Variants in SGCD observed in about 807,000 individuals in gnomAD.
SGCD encodes sarcoglycan delta, also known as delta-sarcoglycan.
A neutral mutation model predicts 36.6 loss-of-function variants in SGCD; 18 were observed. The ratio of observed to expected loss-of-function variants is 0.49; its 90% confidence interval spans 0.34 to 0.73. SGCD has a LOEUF of 0.73. Ranked by LOEUF, SGCD falls within the 30% of genes least tolerant of loss-of-function variation. The probability of loss-of-function intolerance (pLI) is 0.01; values close to 1 mark genes in which losing one functional copy is unlikely to be tolerated. For synonymous variants in SGCD, 133 were observed against 130.6 expected, an observed-to-expected ratio of 1.02 and a Z score of -0.12; for missense variants, 387 against 346.7, an observed-to-expected ratio of 1.12 and a Z score of -0.92.
chr5:156,106,094 A>G (rs1035423317), intron 1 of SGCD, among the ~76,000 whole-genome samples: 4 of 119,192 alleles, frequency 3.4e-5, no homozygotes, highest in African/African-American at 1.3e-4. Flanking sequence ...TGGGTGACAG[A>G]GTGAGACTCT....
At chr5:155,749,365 C>G in the SGCD span, among the ~76,000 whole-genome samples, 1 of 152,158 alleles carries the variant, frequency 6.6e-6, no homozygotes, top group Non-Finnish European at 1.5e-5. Flanking sequence ...AGGTATAACT[C>G]TTAGTTTTTT....
chr5:156,321,452 C>T (rs13170969), intron 3 of SGCD, among the ~76,000 whole-genome samples: 15 of 139,342 alleles, frequency 1.1e-4, no homozygotes, highest in Non-Finnish European at 1.9e-4. Flanking sequence ...AATAAATAAA[C>T]AAATAAATAA....
At chr5:156,453,765 G>A (rs1754130114) in intron 3 of SGCD, among the ~76,000 whole-genome samples, 1 of 152,092 alleles carries the variant, frequency 6.6e-6, no homozygotes, top group Admixed American at 6.6e-5. Context: ...AAAAACTCTG[G>A]TACATCCATA....
At chr5:156,090,932 A>C (rs1184509427) in intron 1 of SGCD, among the ~76,000 whole-genome samples, 2 of 152,186 alleles carry the variant, frequency 1.3e-5, no homozygotes, top group Non-Finnish European at 2.9e-5. Flanking sequence ...GCAGGCAGTC[A>C]GACCTTATGG....
intron 1 of SGCD, among the ~76,000 whole-genome samples, chr5:156,027,826 T>C (rs1759257654): frequency 6.6e-6 from 1 of 152,188 alleles, no homozygotes. Context: ...TAGTATGTGA[T>C]ATAATGTTAA....
At chr5:155,850,761 C>G in the SGCD span, among the ~76,000 whole-genome samples, 1 of 152,118 alleles carries the variant, frequency 6.6e-6, no homozygotes, top group Non-Finnish European at 1.5e-5. Context: ...TGCCCTTGAC[C>G]TTCTCTTTCT....
At chr5:155,864,063 T>C in the SGCD span, among the ~76,000 whole-genome samples, 2 of 152,098 alleles carry the variant, frequency 1.3e-5, no homozygotes, top group East Asian at 3.9e-4. Flanking sequence ...GCCCAAGGGA[T>C]AATGACAATT....
chr5:155,934,476 T>A (rs948123145), intron 1 of SGCD, among the ~76,000 whole-genome samples: 1 of 152,194 alleles, frequency 6.6e-6, no homozygotes, highest in African/African-American at 2.4e-5. Context: ...GAATAACTTA[T>A]GAAAAAGTTG....
chr5:156,563,737 T>A (rs1561781091), intron 4 of SGCD, among the ~76,000 whole-genome samples: 1 of 146,252 alleles, frequency 6.8e-6, no homozygotes, highest in Non-Finnish European at 1.6e-5. Flanking sequence ...AGAAAGTTCT[T>A]CCCTACTCCC....
At chr5:156,351,829 A>T (rs1384009357) in intron 3 of SGCD, among the ~76,000 whole-genome samples, 1 of 152,128 alleles carries the variant, frequency 6.6e-6, no homozygotes, top group Non-Finnish European at 1.5e-5. Context: ...GAACCCAAGC[A>T]GTCTGACTAT....
At chr5:156,037,334 G>A (rs2127577335) in intron 1 of SGCD, among the ~76,000 whole-genome samples, 1 of 152,268 alleles carries the variant, frequency 6.6e-6, no homozygotes, top group East Asian at 1.9e-4. Context: ...TGTGTTCAAG[G>A]CAGTGACAGC....
upstream of SGCD, among the ~76,000 whole-genome samples, chr5:155,869,804 G>C (rs1408550676): frequency 6.6e-6 from 1 of 152,124 alleles, no homozygotes; most frequent in Non-Finnish European, 1.5e-5. Context: ...ATCGAGACCA[G>C]CCTGACCAAC....
At position 156,093,364 on chromosome 5, in the gene SGCD, G is replaced by GT. The variant is rs897975946; in HGVS notation, c.-281-24507dup. ...GAGGCCATTCCCAGTGCAGCACCCT[G>GT]TTTTTTTAACTTTCTCTTTATATTG... On this transcript the variant is annotated intron_variant, in intron 1 of 9. Transcript: ENST00000517913. Among the ~76,000 whole-genome samples the GT allele has an allele frequency of 1.6e-4, 24 of 152,204 alleles. No individual in the cohort carries two copies. The East Asian group carries it at 2.7e-3, about 17-fold the overall frequency.
chr5:156,042,141 G>T (rs926552168), intron 1 of SGCD, among the ~76,000 whole-genome samples: 2 of 151,976 alleles, frequency 1.3e-5, no homozygotes, highest in African/African-American at 2.4e-5. Flanking sequence ...AAATCTGGAA[G>T]TTAGGTACAC....
At position 156,251,766 on chromosome 5, in the gene SGCD, G is replaced by A. The variant is rs1217987663; in HGVS notation, c.-43-77768G>A. Among the ~76,000 whole-genome samples the A allele has an allele frequency of 8.6e-5, 13 of 151,928 alleles. No homozygotes were observed. In the East Asian group the frequency reaches 2.0e-3, roughly 23 times the overall value. On this transcript the variant is annotated intron_variant, in intron 3 of 9. Coordinates refer to the SGCD transcript ENST00000517913. ...CTTGACCTCATGATCCTCCCACCTC[G>A]CCCTCCCAACGTGCTGGGATTACAG...
chr5:155,795,296 C>T, the SGCD span, among the ~76,000 whole-genome samples: 24 of 152,104 alleles, frequency 1.6e-4, no homozygotes, highest in South Asian at 4.8e-3. Context: ...TTATGCAGTT[C>T]AATAGATTAG....
chr5:156,586,135 C>T (rs758797756), intron 4 of SGCD, among the ~76,000 whole-genome samples: 66 of 151,648 alleles, frequency 4.4e-4, no homozygotes, highest in Non-Finnish European at 8.1e-4. Context: ...ATGTATAGCT[C>T]TCATATCTCC....
At chr5:156,572,559 A>G (rs1020130104) in intron 4 of SGCD, among the ~76,000 whole-genome samples, 9 of 152,166 alleles carry the variant, frequency 5.9e-5, no homozygotes, top group African/African-American at 2.2e-4. Flanking sequence ...AGAGTCAATC[A>G]AAACATGACC....
intron 3 of SGCD, among the ~76,000 whole-genome samples, chr5:156,482,327 C>T (rs1363076164): frequency 2.6e-5 from 4 of 151,684 alleles, no homozygotes; most frequent in African/African-American, 9.7e-5. Flanking sequence ...GATATGGTAG[C>T]CACCAGCCAC....
Sources: gnomAD v4.1 joint callset for allele counts (sites outside exome capture counted in the v4.1 genomes callset) on GRCh38, gnomAD v4.1.1 for gene constraint, MANE v1.5 for transcripts, NCBI Gene and HGNC (gene_info 2026-07-23, HGNC 2026-07-21) for gene names.